SPAG17: variants seen among roughly 807,000 people sequenced by gnomAD.
SPAG17 encodes the protein sperm associated antigen 17.
In SPAG17, 169 loss-of-function variants were observed where a neutral mutation model predicts 273.6. That is an observed-to-expected ratio of 0.62 (90% CI 0.55 to 0.70). The LOEUF (loss-of-function observed/expected upper bound fraction) is 0.70. Among genes scored for constraint, SPAG17 ranks in the 30% least tolerant of loss-of-function variants. SPAG17 has a pLI of 0.00. For missense variants in SPAG17, 2,557 were observed against 2,627.8 expected (o/e 0.97, Z 0.59); for synonymous variants, 825 against 873.2 (o/e 0.94, Z 0.97).
At chr1:118,099,822 A>G in intron 5 of SPAG17, 22 bp from the exon 6 acceptor site, 1 of 1,603,628 alleles carries the variant, frequency 6.2e-7, no homozygotes, top group Non-Finnish European at 8.5e-7. Flanking sequence ...ACCATAAAGA[A>G]GAGCAGCCAT....
Position 118,126,043 on chromosome 1 carries a change from GTT to G in SPAG17, c.316-10604_316-10603del, listed in dbSNP as rs33966143. 2.0e-3 allele frequency among the ~76,000 whole-genome samples: 271 copies of G among 136,742 alleles called. 1 individual carries two copies. The highest frequency in any genetic ancestry group is 7.9e-3 in the Middle Eastern group (2 of 254). The allele number at this position is 136,742 out of a possible 152,430, so 89.7% of individuals were successfully genotyped here. A position where few individuals can be genotyped will look rare whatever the true frequency, so the allele number is the denominator to read the frequency against. ...TCCTCACCAGCCTCTGTTATTTTCTGTTTTTTTTTTTTTTTGATAATAGCCAT... is the reference window on the plus strand; with the variant it reads ...TCCTCACCAGCCTCTGTTATTTTCTGTTTTTTTTTTTTTGATAATAGCCAT... On this transcript the variant is annotated intron_variant, in intron 3 of 48. Transcript: ENST00000336338.
rs1167463689 is a variant in SPAG17 at position 118,023,369 on chromosome 1, A to C, written c.4004T>G (p.Leu1335Trp). Reference protein sequence around the residue: ...EMPATPHSGDLMDSISQQKSE... With the variant: ...EMPATPHSGDWMDSISQQKSE... ...TTTCTGCTGAGAAATAGAGTCCATCAAATCTCCACTGTGAGGCGTTGCTGG... is the reference window on the plus strand; with the variant it reads ...TTTCTGCTGAGAAATAGAGTCCATCCAATCTCCACTGTGAGGCGTTGCTGG... Residue 1335 changes from leucine to tryptophan, a missense_variant, in exon 28 of 49, where the codon TTG (leucine) becomes TGG (tryptophan). Physicochemically the swap from Leu to Trp is moderately conservative, Grantham distance 61 (BLOSUM62 -2). Transcript: ENST00000336338. 6.2e-7 allele frequency: 1 copy of C among 1,612,808 alleles called. No individual in the cohort carries two copies. The highest frequency in any genetic ancestry group is 8.5e-7 in the Non-Finnish European group (1 of 1,179,258).
intron 17 of SPAG17, among the ~76,000 whole-genome samples, chr1:118,068,779 A>C (rs1653250421): frequency 6.6e-6 from 1 of 152,184 alleles, no homozygotes; most frequent in African/African-American, 2.4e-5. Flanking sequence ...AATATGATAA[A>C]GATTTTTTTG....
chr1:118,140,308 A>G (rs1658603577), intron 3 of SPAG17, among the ~76,000 whole-genome samples: 1 of 152,172 alleles, frequency 6.6e-6, no homozygotes, highest in Admixed American at 6.5e-5. Flanking sequence ...ACTATAGTTA[A>G]TAATAGAGAA....
chr1:118,132,033 T>C (rs756594299), intron 3 of SPAG17, among the ~76,000 whole-genome samples: 2 of 152,174 alleles, frequency 1.3e-5, no homozygotes, highest in Non-Finnish European at 2.9e-5. Context: ...TTCGTGGAGT[T>C]GGGGAGATCA....
At chr1:118,068,011 T>C (rs976841837) in intron 17 of SPAG17, among the ~76,000 whole-genome samples, 5 of 152,104 alleles carry the variant, frequency 3.3e-5, no homozygotes, top group Admixed American at 1.3e-4. Context: ...CCTTTGCCAA[T>C]CAACAATAAG....
chr1:118,047,899 T>C (rs929847368), intron 20 of SPAG17, among the ~76,000 whole-genome samples: 2 of 152,216 alleles, frequency 1.3e-5, no homozygotes, highest in South Asian at 2.1e-4. Flanking sequence ...CGAGGCCTCA[T>C]GTTCCAGCAG....
intron 24 of SPAG17, among the ~76,000 whole-genome samples, chr1:118,036,377 T>A (rs573110486): frequency 4.6e-5 from 7 of 152,206 alleles, no homozygotes; most frequent in Admixed American, 3.9e-4. Context: ...TTATGCTTTC[T>A]TTTACACCCA....
intron 3 of SPAG17, among the ~76,000 whole-genome samples, chr1:118,149,037 A>G (rs1659228015): frequency 6.6e-6 from 1 of 152,128 alleles, no homozygotes; most frequent in Admixed American, 6.6e-5. Flanking sequence ...GCATTAATGA[A>G]TGTCTGGTGC....
intron 25 of SPAG17, among the ~76,000 whole-genome samples, chr1:118,030,987 T>C (rs1160736600): frequency 6.6e-6 from 1 of 152,180 alleles, no homozygotes; most frequent in Non-Finnish European, 1.5e-5. Context: ...AAATGGTATT[T>C]CTGGTTCTAG....
In SPAG17 at chr1:118,127,890, A is replaced by C. The variant is rs147558561; in HGVS notation, c.316-12449T>G. ...TATAATCCTAGCACTTTGGGAGGCC[A>C]AGGTGGGTGGATCATGAGGTCAAGA... On this transcript the variant is annotated intron_variant, in intron 3 of 48. Coordinates refer to ENST00000336338, the MANE Select transcript of SPAG17 (RefSeq NM_206996.4). Among the ~76,000 whole-genome samples the C allele has an allele frequency of 5.0e-3, 767 of 152,214 alleles. 10 individuals carry two copies. Among genetic ancestry groups the C allele is most frequent in the African/African-American group, 0.017 (712 of 41,532 alleles).
chr1:118,017,901 A>G (rs1660133880), intron 28 of SPAG17, among the ~76,000 whole-genome samples: 1 of 152,164 alleles, frequency 6.6e-6, no homozygotes, highest in South Asian at 2.1e-4. Context: ...GAAGGAAACA[A>G]GCAGGGTTGG....
intron 43 of SPAG17, among the ~76,000 whole-genome samples, chr1:117,976,169 T>G (rs770714963): frequency 2.0e-5 from 3 of 152,134 alleles, no homozygotes; most frequent in Admixed American, 1.3e-4. Context: ...AACATGCAGA[T>G]GATTATTCCA....
chr1:118,180,213 A>C (rs186023215), intron 1 of SPAG17, among the ~76,000 whole-genome samples: 2 of 152,162 alleles, frequency 1.3e-5, no homozygotes, highest in East Asian at 1.9e-4. Context: ...CAACAGATGA[A>C]TCAATAAAGA....
At chr1:118,010,273 G>C (rs1659337385) in intron 30 of SPAG17, among the ~76,000 whole-genome samples, 1 of 150,464 alleles carries the variant, frequency 6.6e-6, no homozygotes, top group South Asian at 2.2e-4. Flanking sequence ...CAAAGCTGGA[G>C]GCAACCGTAA....
At position 118,099,646 on chromosome 1, in the gene SPAG17, T is replaced by C. The variant is rs536568759; in HGVS notation, c.789A>G (p.Ala263=). Residue 263 remains alanine, a synonymous_variant, in exon 6 of 49, where the codon GCA becomes GCG. Transcript: ENST00000336338. ...ENYEPLQTHL[A]AVNQQQEVLL... The stretch of plus-strand genomic sequence containing the variant: ...GAACTTCCTGCTGCTGGTTAACTGC[T>C]GCCAGGTGTGTCTGCAGAGGTTCAT... 1.9e-6 allele frequency: 3 copies of C among 1,614,114 alleles called. No individual in the cohort carries two copies. In the East Asian group the frequency reaches 6.7e-5, roughly 36 times the overall value.
At chr1:118,007,760 C>T (rs1659048872) in intron 31 of SPAG17, among the ~76,000 whole-genome samples, 1 of 152,142 alleles carries the variant, frequency 6.6e-6, no homozygotes, top group Non-Finnish European at 1.5e-5. Flanking sequence ...ACCCACAGTG[C>T]CTAGCACATA....
Position 118,040,745 on chromosome 1 carries a change from T to C in SPAG17, c.3151A>G (p.Thr1051Ala), listed in dbSNP as rs575349025. The C allele has an allele frequency of 1.9e-6, 3 of 1,594,528 alleles. No individual in the cohort carries two copies. Among genetic ancestry groups the C allele is most frequent in the Admixed American group, 1.7e-5 (1 of 59,956 alleles). ...SDGGQIEVEK[T>A]MFEKGPTFIK... ...CAAAATGTACCTTTTTCAAACATTG[T>C]CTTTTCCACTTCAATCTGCCCCCCA... The change falls in exon 22 of 49, where the codon ACA becomes GCA. Residue 1051 changes from threonine (T) to alanine (A), a missense_variant. Coordinates refer to ENST00000336338, the MANE Select transcript of SPAG17 (RefSeq NM_206996.4).
intron 43 of SPAG17, among the ~76,000 whole-genome samples, chr1:117,974,470 A>C (rs1654916842): frequency 6.6e-6 from 1 of 152,194 alleles, no homozygotes; most frequent in Admixed American, 6.5e-5. Flanking sequence ...CTTCTATTAA[A>C]TCAACATTAT....
Sources: allele counts gnomAD v4.1 joint callset (sites outside exome capture counted in the v4.1 genomes callset), GRCh38; gene constraint gnomAD v4.1.1; transcripts MANE v1.5; gene names NCBI Gene and HGNC (gene_info 2026-07-23, HGNC 2026-07-21).